Variants in MAGI1 observed in about 807,000 individuals in gnomAD.
MAGI1 encodes the protein membrane associated guanylate kinase, WW and PDZ domain containing 1, also known as membrane-associated guanylate kinase, WW and PDZ domain-containing protein 1.
Under a neutral mutation model 139.9 loss-of-function variants are expected in MAGI1, and 58 were observed. The observed-to-expected ratio is 0.41, with a 90% CI of 0.34 to 0.52. The LOEUF (loss-of-function observed/expected upper bound fraction) is 0.52, where lower values mean the gene tolerates loss of function less well. Ranked by LOEUF, MAGI1 falls within the 20% of genes least tolerant of loss-of-function variation. MAGI1 has a pLI of 0.12. For missense variants in MAGI1, 1,874 were observed against 1,901.6 expected, an observed-to-expected ratio of 0.99 and a Z score of 0.27; for synonymous variants, 812 against 737.9, an observed-to-expected ratio of 1.10 and a Z score of -1.63.
At chr3:65,488,870 GC>G (rs1951799897) in intron 3 of MAGI1, among the ~76,000 whole-genome samples, 1 of 150,562 alleles carries the variant, frequency 6.6e-6, no homozygotes, top group Non-Finnish European at 1.5e-5. Flanking sequence ...ATGGGGTTTT[GC>G]CATGTTGCCC....
intron 2 of MAGI1, among the ~76,000 whole-genome samples, chr3:65,554,619 T>C (rs2080000963): frequency 6.6e-6 from 1 of 152,140 alleles, no homozygotes; most frequent in African/African-American, 2.4e-5. Flanking sequence ...TTAGGCACAG[T>C]TCATTTTGCC....
chr3:65,943,594 G>A (rs1005855143), intron 1 of MAGI1, among the ~76,000 whole-genome samples: 7 of 151,668 alleles, frequency 4.6e-5, no homozygotes, highest in Admixed American at 4.0e-4. Context: ...AAACTTCTCA[G>A]GAAACAATAC....
chr3:65,676,290 T>C (rs565740219), intron 1 of MAGI1, among the ~76,000 whole-genome samples: 4 of 152,096 alleles, frequency 2.6e-5, no homozygotes, highest in Non-Finnish European at 5.9e-5. Flanking sequence ...GATGAAAACC[T>C]TAATCACATT....
At chr3:65,963,980 CAATG>C (rs2064606918) in intron 1 of MAGI1, among the ~76,000 whole-genome samples, 4 of 152,142 alleles carry the variant, frequency 2.6e-5, no homozygotes, top group Admixed American at 2.6e-4. Flanking sequence ...GCCAAGCTTC[CAATG>C]AAGGGCAGTG....
chr3:65,401,816 A>T, intron 12 of MAGI1: 1 of 1,303,034 alleles, frequency 7.7e-7, no homozygotes, highest in Non-Finnish European at 9.8e-7. Flanking sequence ...CTTAACTTAC[A>T]ATTAAGTCCA....
chr3:65,814,471 T>C (rs1333141828), intron 1 of MAGI1, among the ~76,000 whole-genome samples: 1 of 152,214 alleles, frequency 6.6e-6, no homozygotes, highest in Non-Finnish European at 1.5e-5. Context: ...CCTCCTGACT[T>C]TCATGGAAGG....
At chr3:65,849,400 G>A (rs1057504534) in intron 1 of MAGI1, among the ~76,000 whole-genome samples, 10 of 151,422 alleles carry the variant, frequency 6.6e-5, no homozygotes, top group African/African-American at 1.9e-4. Context: ...TGACAGTGAT[G>A]AGCACAGTCC....
intron 1 of MAGI1, among the ~76,000 whole-genome samples, chr3:65,876,625 AG>A (rs1183906751): frequency 2.6e-5 from 4 of 152,198 alleles, no homozygotes; most frequent in African/African-American, 9.6e-5. Context: ...ACAGAGTTAA[AG>A]GTGGTGCCCT....
At chr3:65,915,530 CT>C (rs2061857139) in intron 1 of MAGI1, among the ~76,000 whole-genome samples, 1 of 152,094 alleles carries the variant, frequency 6.6e-6, no homozygotes, top group Admixed American at 6.5e-5. Context: ...GGGTCTTTTT[CT>C]TTTTTTAAAA....
At chr3:65,795,495 T>C (rs1402686577) in intron 1 of MAGI1, among the ~76,000 whole-genome samples, 5 of 152,116 alleles carry the variant, frequency 3.3e-5, no homozygotes, top group African/African-American at 1.2e-4. Context: ...ATTGTAGAGA[T>C]GGGGAACATA....
At chr3:65,658,977 CTT>C (rs1270640139) in intron 1 of MAGI1, among the ~76,000 whole-genome samples, 1 of 152,082 alleles carries the variant, frequency 6.6e-6, no homozygotes, top group African/African-American at 2.4e-5. Flanking sequence ...CAGTTGCTTC[CTT>C]TTTATGCACT....
intron 12 of MAGI1, among the ~76,000 whole-genome samples, chr3:65,411,443 C>T (rs1945786047): frequency 6.6e-6 from 1 of 152,170 alleles, no homozygotes; most frequent in South Asian, 2.1e-4. Flanking sequence ...CTGATAGCCC[C>T]ATGCAGTTCC....
chr3:65,653,911 A>G (rs2085723403), intron 1 of MAGI1, among the ~76,000 whole-genome samples: 1 of 152,200 alleles, frequency 6.6e-6, no homozygotes, highest in South Asian at 2.1e-4. Context: ...GCATACACAT[A>G]GGCGTTATAT....
chr3:65,501,633 G>C (rs890710291), intron 2 of MAGI1, among the ~76,000 whole-genome samples: 3 of 152,010 alleles, frequency 2.0e-5, no homozygotes, highest in Non-Finnish European at 4.4e-5. Context: ...AACCATTTGG[G>C]GAAAGAGTTT....
intron 2 of MAGI1, among the ~76,000 whole-genome samples, chr3:65,619,154 A>G (rs1403682040): frequency 6.6e-6 from 1 of 152,224 alleles, no homozygotes; most frequent in Non-Finnish European, 1.5e-5. Flanking sequence ...GCCGTTACAA[A>G]TTTTAAAAAG....
At chr3:65,646,687 G>A (rs1229846555) in intron 1 of MAGI1, among the ~76,000 whole-genome samples, 1 of 151,970 alleles carries the variant, frequency 6.6e-6, no homozygotes, top group Non-Finnish European at 1.5e-5. Context: ...AGCGTCGAAA[G>A]TATACAGAAT....
At chr3:65,951,860 A>T in intron 1 of MAGI1, among the ~76,000 whole-genome samples, 1 of 152,220 alleles carries the variant, frequency 6.6e-6, no homozygotes, top group East Asian at 1.9e-4. Flanking sequence ...ACCTAATTAT[A>T]CTGAACTGTA....
In MAGI1 at chr3:66,038,232, C is replaced by T. The variant is rs2069050637; in HGVS notation, c.77G>A (p.Gly26Asp). 3 of 1,611,610 alleles carry T rather than the reference C, an allele frequency of 1.9e-6. No homozygotes were observed. In the African/African-American group the frequency reaches 4.0e-5, roughly 21 times the overall value. Residue 26 changes from glycine to aspartate, a missense_variant, in exon 1 of 23, where the codon GGC becomes GAC. Physicochemically the swap from Gly to Asp is moderately conservative, Grantham distance 94. Coordinates refer to ENST00000402939, the MANE Select transcript of MAGI1 (RefSeq NM_001033057.2). ...HECTVKRGPQ[G>D]ELGVTVLGGA... ...TCCCAGCACCGTCACCCCCAGCTCG[C>T]CCTGGGGTCCCCGCTTCACGGTGCA... is the stretch of plus-strand genomic sequence containing the variant.
At chr3:65,495,535 G>A (rs1001947138) in intron 2 of MAGI1, among the ~76,000 whole-genome samples, 2 of 152,010 alleles carry the variant, frequency 1.3e-5, no homozygotes, top group African/African-American at 4.8e-5. Context: ...CCAGGCACTG[G>A]GAAAACACTG....
Sources: gnomAD v4.1 joint callset for allele counts (sites outside exome capture counted in the v4.1 genomes callset) on GRCh38, gnomAD v4.1.1 for gene constraint, MANE v1.5 for transcripts, NCBI Gene and HGNC (gene_info 2026-07-23, HGNC 2026-07-21) for gene names.